The following GREB1 variants were observed in gnomAD, a reference collection of about 807,000 sequenced individuals.
The protein encoded by GREB1 is growth regulating estrogen receptor binding 1.
A neutral mutation model predicts 200.7 loss-of-function variants in GREB1; 106 were observed. The observed-to-expected ratio is 0.53, with a 90% CI of 0.45 to 0.62. The LOEUF (loss-of-function observed/expected upper bound fraction) is 0.62. Among genes scored for constraint, GREB1 ranks in the 20% least tolerant of loss-of-function variants. The pLI, the probability that GREB1 is intolerant of heterozygous loss-of-function variation, is 0.00. For synonymous variants in GREB1, 1,132 were observed against 1,092.4 expected, an observed-to-expected ratio of 1.04 and a Z score of -0.72; for missense variants, 2,243 against 2,556.8, an observed-to-expected ratio of 0.88 and a Z score of 2.65.
At chr2:11,533,919 G>A (rs1674168567), upstream of GREB1, among the ~76,000 whole-genome samples, 1 of 152,106 alleles carries the variant, frequency 6.6e-6, no homozygotes, top group African/African-American at 2.4e-5. Context: ...TGCAAGATTG[G>A]GCAATAAAAA....
chr2:11,512,149 G>A (rs1673370114), intron 1 of GREB1, among the ~76,000 whole-genome samples: 1 of 152,194 alleles, frequency 6.6e-6, no homozygotes, highest in Non-Finnish European at 1.5e-5. Flanking sequence ...ATTTTAAAGT[G>A]AACAATTTAG....
At chr2:11,503,847 T>A (rs116494704) in intron 1 of GREB1, among the ~76,000 whole-genome samples, 920 of 7,724 alleles carry the variant, frequency 0.12, 9 homozygotes, top group African/African-American at 0.19. Context: ...ATATTCAGCA[T>A]TCCAGTAATT....
At chr2:11,487,701 A>G (rs1672686516) in intron 1 of GREB1, among the ~76,000 whole-genome samples, 1 of 152,268 alleles carries the variant, frequency 6.6e-6, no homozygotes, top group African/African-American at 2.4e-5. Context: ...TTCATCATTC[A>G]GCTTCAGCAG....
intron 8 of GREB1, 144 bp downstream of exon 8, chr2:11,585,418 G>T (rs1333070270): frequency 6.6e-6 from 4 of 610,074 alleles, no homozygotes; most frequent in African/African-American, 5.5e-5. Flanking sequence ...AGGAGGCAGA[G>T]TTTGGTGTGA....
At chr2:11,520,762 A>C (rs775799047) in intron 1 of GREB1, among the ~76,000 whole-genome samples, 6 of 152,214 alleles carry the variant, frequency 3.9e-5, no homozygotes, top group Non-Finnish European at 8.8e-5. Flanking sequence ...CCTGAATCAC[A>C]TCTGAATCAC....
intron 5 of GREB1, among the ~76,000 whole-genome samples, chr2:11,577,021 C>T (rs1266281412): frequency 6.6e-6 from 1 of 151,590 alleles, no homozygotes; most frequent in African/African-American, 2.4e-5. Context: ...GGCAGCAGAG[C>T]ACGACTCCAT....
rs750666787 is a variant in GREB1 at position 11,625,298 on chromosome 2, G to A, written c.4292G>A (p.Gly1431Asp). The change falls in exon 24 of 33, where the codon GGT becomes GAT. Residue 1431 changes from glycine to aspartate, a missense_variant. Around this residue, in one of 3 missense-constraint regions of GREB1, gnomAD observed 587 missense variants for 553.1 expected, o/e 1.06. Transcript: ENST00000381486. Reference protein sequence around the residue: ...DASLICSHYQGIKSEDRGMSR... With the variant: ...DASLICSHYQDIKSEDRGMSR... ...AGCCTGATTTGTTCGCACTATCAGGGTATAAAGAGTGAAGGTCAGACTTTG... is the reference window on the plus strand; with the variant it reads ...AGCCTGATTTGTTCGCACTATCAGGATATAAAGAGTGAAGGTCAGACTTTG... 29 of 1,614,034 alleles carry A rather than the reference G, an allele frequency of 1.8e-5. No individual in the cohort carries two copies. The highest frequency in any genetic ancestry group is 1.1e-4 in the South Asian group (10 of 91,086).
chr2:11,607,585 C>CAT (rs748518401), intron 17 of GREB1, among the ~76,000 whole-genome samples: 37,099 of 102,358 alleles, frequency 0.36, 5,933 homozygotes, highest in Admixed American at 0.53. Flanking sequence ...CACATATATA[C>CAT]ATATATACAT....
chr2:11,595,740 G>A (rs1003850433), intron 12 of GREB1, among the ~76,000 whole-genome samples: 3 of 152,066 alleles, frequency 2.0e-5, no homozygotes, highest in East Asian at 1.9e-4. Context: ...CGCATCCCTC[G>A]TGCTCTGGGC....
intron 9 of GREB1, chr2:11,587,287 C>T (rs1156742841): frequency 9.7e-6 from 9 of 923,714 alleles, no homozygotes; most frequent in Non-Finnish European, 1.6e-5. Context: ...TCCCTTTCCT[C>T]TGCCCCCCTT....
chr2:11,531,664 G>T (rs535074266), upstream of GREB1, among the ~76,000 whole-genome samples: 4 of 151,938 alleles, frequency 2.6e-5, no homozygotes, highest in Non-Finnish European at 4.4e-5. Flanking sequence ...TTGGCATCTC[G>T]GGTTCAAGCG....
In GREB1 at chr2:11,631,964, A is replaced by G. The variant is rs778133601; in HGVS notation, c.4667A>G (p.His1556Arg). The stretch of plus-strand genomic sequence containing the variant: ...ACTCCAACCACCGGCCGTCACGAAC[A>G]TGGGCTCTTTAATCTGTACCACGCA... The part of the protein sequence containing the change: ...TFTPTTGRHE[H>R]GLFNLYHAMD... Residue 1556 changes from histidine to arginine, a missense_variant, in exon 27 of 33, where the codon CAT becomes CGT. His to Arg is a conservative substitution (Grantham distance 29). Coordinates refer to ENST00000381486, the MANE Select transcript of GREB1 (RefSeq NM_014668.4). 1.7e-5 allele frequency: 27 copies of G among 1,614,048 alleles called. No individual in the cohort carries two copies. Among genetic ancestry groups the G allele is most frequent in the Non-Finnish European group, 1.9e-5 (22 of 1,180,022 alleles).
chr2:11,498,402 A>G (rs1672945866), intron 1 of GREB1, among the ~76,000 whole-genome samples: 1 of 152,138 alleles, frequency 6.6e-6, no homozygotes, highest in African/African-American at 2.4e-5. Flanking sequence ...GCATTTATTT[A>G]TTTTAAGATT....
chr2:11,635,188 C>A (rs571870224), intron 29 of GREB1, 82 bp from the exon 30 acceptor site: 214 of 1,547,756 alleles, frequency 1.4e-4, no homozygotes, highest in Non-Finnish European at 1.8e-4. Flanking sequence ...ACGATGGGGA[C>A]CCACACTCTA....
intron 1 of GREB1, among the ~76,000 whole-genome samples, chr2:11,505,184 G>A (rs562218010): frequency 3.6e-4 from 55 of 152,156 alleles, no homozygotes; most frequent in African/African-American, 1.3e-3. Flanking sequence ...CACCTGCCTC[G>A]GCCTCCCAAA....
chr2:11,588,915 C>G lies in GREB1; in HGVS notation c.1329C>G (p.Tyr443Ter). 1.9e-6 allele frequency: 3 copies of G among 1,614,094 alleles called. No individual in the cohort carries two copies. The highest frequency in any genetic ancestry group is 2.5e-6 in the Non-Finnish European group (3 of 1,179,982). The stretch of plus-strand genomic sequence containing the variant: ...AGATGCAGCTCCTGCTTACCGTCTA[C>G]TACCTGGTCCAGCTGGGTGAGTCAC... The part of the protein sequence containing the change: ...SEEMQLLLTV[Y>*]YLVQLAADQV... Residue 443 changes from tyrosine (Y) to a stop codon, truncating the protein, a stop_gained, in exon 10 of 33, where the codon TAC (tyrosine) becomes TAG (stop). Coordinates refer to ENST00000381486, the MANE Select transcript of GREB1 (RefSeq NM_014668.4). LOFTEE classifies it high-confidence loss of function.
In GREB1 at chr2:11,610,936, C is replaced by T; in HGVS notation, c.2915C>T (p.Ala972Val). 1 of 1,611,206 alleles carries T rather than the reference C, an allele frequency of 6.2e-7. No individual in the cohort carries two copies. Among genetic ancestry groups the T allele is most frequent in the Non-Finnish European group, 8.5e-7 (1 of 1,179,130 alleles). ...VAYERLAHVR[A>V]RLALEEHFEI... ...TATGAGCGGCTGGCCCACGTGCGGG[C>T]CCGGCTGGCGCTGGAGGAGCACTTT... Residue 972 changes from alanine to valine, a missense_variant, in exon 18 of 33, where the codon GCC becomes GTC. By Grantham distance (64) the Ala-to-Val change is moderately conservative. This residue lies in a region of GREB1 where 1,178 missense variants were observed against 1,387.4 expected (regional missense o/e 0.85). Transcript: ENST00000381486.
chr2:11,484,037 G>A (rs767544744), intron 1 of GREB1, among the ~76,000 whole-genome samples: 3 of 152,152 alleles, frequency 2.0e-5, no homozygotes, highest in South Asian at 4.2e-4. Context: ...TAACCTGGGA[G>A]TTAGACATGG....
chr2:11,602,478 C>T lies in GREB1; in HGVS notation c.2602C>T (p.His868Tyr). 1.2e-6 allele frequency: 2 copies of T among 1,613,004 alleles called. No homozygotes were observed. The highest frequency in any genetic ancestry group is 1.7e-6 in the Non-Finnish European group (2 of 1,178,928). ...GTTTATTGAATCCACCCTTTCAGGA[C>T]ACAGCCTCCCCTTGCTCAGATACGA... Reference protein sequence around the residue: ...SEFIESTLSGHSLPLLRYDSS... With the variant: ...SEFIESTLSGYSLPLLRYDSS... Residue 868 changes from histidine (H) to tyrosine (Y), a missense_variant, in exon 17 of 33, where the codon CAC (histidine) becomes TAC (tyrosine). Coordinates refer to ENST00000381486, the MANE Select transcript of GREB1 (RefSeq NM_014668.4).
Sources: gnomAD v4.1 joint callset for allele counts (sites outside exome capture counted in the v4.1 genomes callset) on GRCh38, gnomAD v4.1.1 for gene constraint, gnomAD v4.1.1 regional missense constraint, MANE v1.5 for transcripts, NCBI Gene and HGNC (gene_info 2026-07-23, HGNC 2026-07-21) for gene names.